DENND5B: variants seen among roughly 807,000 people sequenced by gnomAD.
DENND5B encodes DENN domain containing 5B.
A neutral mutation model predicts 140.6 loss-of-function variants in DENND5B; 34 were observed. The observed-to-expected ratio is 0.24, with a 90% CI of 0.18 to 0.32. The LOEUF (loss-of-function observed/expected upper bound fraction) is 0.32. DENND5B is among the 10% of genes least tolerant of loss of function. The probability of loss-of-function intolerance (pLI) is 1.00; values close to 1 mark genes in which losing one functional copy is unlikely to be tolerated. For missense variants in DENND5B, 1,142 were observed against 1,560.2 expected (o/e 0.73, Z 4.52); for synonymous variants, 551 against 562.1 (o/e 0.98, Z 0.28).
chr12:31,479,853 C>A lies in DENND5B; in HGVS notation c.640G>T (p.Ala214Ser), dbSNP rs776213713. ...CKKFLIQLYK[A>S]VTSQQPPPLP... is the part of the protein sequence containing the mutation. ...GGTGGTGGCTGCTGTGAGGTAACAG[C>A]CTTGTAAAGCTGGATAAGGAATTTC... The change falls in exon 3 of 21, where the codon GCT becomes TCT. Residue 214 changes from alanine to serine, a missense_variant. Ala to Ser is a moderately conservative substitution (Grantham distance 99, BLOSUM62 1). Around this residue, in one of 5 missense-constraint regions of DENND5B, gnomAD observed 708 missense variants for 905.5 expected, o/e 0.78. Coordinates refer to ENST00000389082, the MANE Select transcript of DENND5B (RefSeq NM_144973.4). 5 of 1,613,836 alleles carry A rather than the reference C, an allele frequency of 3.1e-6. No individual in the cohort carries two copies. The highest frequency in any genetic ancestry group is 3.4e-6 in the Non-Finnish European group (4 of 1,179,840).
chr12:31,535,407 G>GACAC (rs200701091), intron 1 of DENND5B, among the ~76,000 whole-genome samples: 182 of 151,812 alleles, frequency 1.2e-3, no homozygotes, highest in African/African-American at 3.8e-3. Flanking sequence ...GAGAGAGAGA[G>GACAC]AGACACACAC....
At chr12:31,546,616 G>A (rs1948870661) in intron 1 of DENND5B, among the ~76,000 whole-genome samples, 1 of 152,136 alleles carries the variant, frequency 6.6e-6, no homozygotes, top group South Asian at 2.1e-4. Context: ...GAACCAGGAG[G>A]CAGATGTTGT....
intron 1 of DENND5B, among the ~76,000 whole-genome samples, chr12:31,578,072 A>G (rs534651117): frequency 3.3e-4 from 48 of 144,108 alleles, no homozygotes; most frequent in African/African-American, 1.0e-3. Context: ...GACTGAAGTG[A>G]GCCAAGATCA....
chr12:31,501,455 A>T (rs879705381), intron 1 of DENND5B, among the ~76,000 whole-genome samples: 5 of 152,198 alleles, frequency 3.3e-5, no homozygotes, highest in Admixed American at 2.6e-4. Context: ...AGACGAATAC[A>T]AGAATATTAA....
At chr12:31,570,502 C>T (rs1949783042) in intron 1 of DENND5B, among the ~76,000 whole-genome samples, 1 of 150,486 alleles carries the variant, frequency 6.6e-6, no homozygotes, top group Admixed American at 6.6e-5. Flanking sequence ...TGGTCTCGAT[C>T]TCCTGACCTC....
chr12:31,544,671 A>G (rs928953006), intron 1 of DENND5B, among the ~76,000 whole-genome samples: 227 of 152,322 alleles, frequency 1.5e-3, no homozygotes, highest in Non-Finnish European at 2.7e-3. Flanking sequence ...ACTACAAAAA[A>G]AATTTAAATC....
At chr12:31,590,586 G>T (rs572436877) in intron 1 of DENND5B, 120 bp downstream of exon 1, 4 of 1,194,104 alleles carry the variant, frequency 3.3e-6, no homozygotes, top group Middle Eastern at 3.1e-4. Context: ...GCCAGAAAGC[G>T]GCGGGAGGGC....
intron 15 of DENND5B, among the ~76,000 whole-genome samples, chr12:31,400,838 T>G (rs907352886): frequency 1.6e-4 from 11 of 67,746 alleles, no homozygotes; most frequent in South Asian, 1.5e-3. Context: ...GAGCTACGAG[T>G]TTTTTTTTTT....
chr12:31,517,930 C>T (rs1185959721), intron 1 of DENND5B, among the ~76,000 whole-genome samples: 1 of 152,232 alleles, frequency 6.6e-6, no homozygotes, highest in Non-Finnish European at 1.5e-5. Context: ...TTACCTGCAG[C>T]TATGTACTCT....
chr12:31,530,891 A>G, intron 1 of DENND5B, among the ~76,000 whole-genome samples: 1 of 152,228 alleles, frequency 6.6e-6, no homozygotes, highest in East Asian at 1.9e-4. Flanking sequence ...ATTTCTAGTA[A>G]TCAGCCAAGA....
At chr12:31,475,218 G>A (rs1247665028) in intron 3 of DENND5B, among the ~76,000 whole-genome samples, 2 of 152,092 alleles carry the variant, frequency 1.3e-5, no homozygotes, top group Non-Finnish European at 2.9e-5. Flanking sequence ...TCCTAACATA[G>A]AGTGATTTTA....
At chr12:31,419,895 C>A (rs1033917288) in intron 11 of DENND5B, 2 of 481,544 alleles carry the variant, frequency 4.2e-6, no homozygotes, top group South Asian at 1.8e-4. Context: ...ATCGCTTGAA[C>A]CCAGGAAGTG....
At chr12:31,582,347 C>G (rs1403373165) in intron 1 of DENND5B, among the ~76,000 whole-genome samples, 1 of 152,224 alleles carries the variant, frequency 6.6e-6, no homozygotes, top group Non-Finnish European at 1.5e-5. Context: ...GGAATCTCAG[C>G]TTCTGACTGT....
At chr12:31,551,999 G>A (rs1290541526) in intron 1 of DENND5B, among the ~76,000 whole-genome samples, 5 of 152,166 alleles carry the variant, frequency 3.3e-5, no homozygotes, top group African/African-American at 1.2e-4. Flanking sequence ...AGACAATCAT[G>A]TTGTCTGCAA....
chr12:31,535,679 TA>T (rs764457013), intron 1 of DENND5B, among the ~76,000 whole-genome samples: 2 of 150,656 alleles, frequency 1.3e-5, no homozygotes, highest in African/African-American at 4.9e-5. Context: ...GAAGAGTGGG[TA>T]AAAAAAAAGT....
chr12:31,448,125 T>C (rs552322703), intron 5 of DENND5B, among the ~76,000 whole-genome samples: 48 of 151,940 alleles, frequency 3.2e-4, no homozygotes, highest in African/African-American at 1.1e-3. Context: ...CCCCAATGAG[T>C]TGTAATTTCG....
Position 31,479,944 on chromosome 12 carries a change from T to C in DENND5B, c.549A>G (p.Arg183=). 5 of 1,614,052 alleles carry C rather than the reference T, an allele frequency of 3.1e-6. No homozygotes were observed. In the Middle Eastern group the frequency reaches 6.6e-4, roughly 213 times the overall value. Residue 183 remains arginine (R), a synonymous_variant, in exon 3 of 21, where the codon AGA becomes AGG. Coordinates refer to ENST00000389082, the MANE Select transcript of DENND5B (RefSeq NM_144973.4). ...TACTTTTTGAAACATACAGGGTGTC[T>C]CTGCTAATATCATAGGAGTTGTATC... ...LQRYNSYDIS[R]DTLYVSKSIC... is the part of the protein sequence containing the mutation.
chr12:31,564,733 T>C (rs3850966), intron 1 of DENND5B, among the ~76,000 whole-genome samples: 57,932 of 151,160 alleles, frequency 0.38, 11,928 homozygotes, highest in East Asian at 0.57. Context: ...GGACTACAGG[T>C]AGGCACCACC....
At chr12:31,498,448 G>A (rs1481134524) in intron 1 of DENND5B, among the ~76,000 whole-genome samples, 3 of 151,796 alleles carry the variant, frequency 2.0e-5, no homozygotes, top group African/African-American at 7.3e-5. Flanking sequence ...CAACAAGAAG[G>A]AAACCACCTC....
Sources: gnomAD v4.1 joint callset for allele counts (sites outside exome capture counted in the v4.1 genomes callset) on GRCh38, gnomAD v4.1.1 for gene constraint, gnomAD v4.1.1 regional missense constraint, MANE v1.5 for transcripts, NCBI Gene and HGNC (gene_info 2026-07-23, HGNC 2026-07-21) for gene names.